CTNNA3: variants seen among roughly 807,000 people sequenced by gnomAD.
CTNNA3 encodes the protein catenin alpha 3.
Under a neutral mutation model 95.7 loss-of-function variants are expected in CTNNA3, and 76 were observed. The observed-to-expected ratio is 0.79, with a 90% CI of 0.66 to 0.96. CTNNA3 has a LOEUF of 0.96. Among genes scored for constraint, CTNNA3 ranks in the 40% least tolerant of loss-of-function variants. The pLI, the probability that CTNNA3 is intolerant of heterozygous loss-of-function variation, is 0.00. For missense variants in CTNNA3, 1,191 were observed against 1,089.8 expected (o/e 1.09, Z -1.31); for synonymous variants, 431 against 374.4 (o/e 1.15, Z -1.74).
Position 66,552,792 on chromosome 10 carries a change from C to T in CTNNA3, c.1375-32019G>A, listed in dbSNP as rs77198025. Among the ~76,000 whole-genome samples, 1,510 of 151,856 alleles carry T rather than the reference C, an allele frequency of 9.9e-3. 23 individuals are homozygous for T. The highest frequency in any genetic ancestry group is 0.035 in the African/African-American group (1,455 of 41,380). On this transcript the variant is annotated intron_variant, in intron 10 of 17. Coordinates refer to ENST00000433211, the MANE Select transcript of CTNNA3 (RefSeq NM_013266.4). ...ATCTTTATGAAGTGACTATTTCTAG[C>T]CTCATTATTTTTTTCCTTGAAGTCT... is the stretch of plus-strand genomic sequence containing the variant.
chr10:65,985,019 T>C (rs2078398973), intron 16 of CTNNA3, among the ~76,000 whole-genome samples: 2 of 145,296 alleles, frequency 1.4e-5, no homozygotes, highest in South Asian at 4.1e-4. Context: ...TTTATAATAA[T>C]TAAAGTAACA....
chr10:67,082,676 G>A (rs188195507), intron 7 of CTNNA3, among the ~76,000 whole-genome samples: 33 of 152,242 alleles, frequency 2.2e-4, no homozygotes, highest in African/African-American at 7.9e-4. Flanking sequence ...TTATTTCCAA[G>A]AAGGGCCCTT....
intron 7 of CTNNA3, among the ~76,000 whole-genome samples, chr10:66,915,757 T>C (rs1316350258): frequency 6.7e-6 from 1 of 150,240 alleles, no homozygotes; most frequent in East Asian, 1.9e-4. Context: ...TATACATTTT[T>C]TTTTTTTTTT....
intron 4 of CTNNA3, among the ~76,000 whole-genome samples, chr10:67,525,574 A>G (rs1290623427): frequency 6.6e-6 from 1 of 152,216 alleles, no homozygotes; most frequent in Admixed American, 6.5e-5. Context: ...GTTCTATACA[A>G]ATTATGCATC....
At chr10:66,093,433 A>G (rs2133701680) in intron 14 of CTNNA3, among the ~76,000 whole-genome samples, 1 of 152,190 alleles carries the variant, frequency 6.6e-6, no homozygotes, top group African/African-American at 2.4e-5. Context: ...AAGCTTTATG[A>G]GAATAAAGGG....
chr10:66,707,582 T>A (rs530778264), intron 9 of CTNNA3, among the ~76,000 whole-genome samples: 272 of 152,182 alleles, frequency 1.8e-3, no homozygotes, highest in African/African-American at 6.3e-3. Flanking sequence ...TTCTAACATG[T>A]TGGGAGTGCC....
At chr10:67,333,484 T>G (rs1841876061) in intron 5 of CTNNA3, among the ~76,000 whole-genome samples, 1 of 152,206 alleles carries the variant, frequency 6.6e-6, no homozygotes, top group African/African-American at 2.4e-5. Flanking sequence ...GGGCTGGTTT[T>G]ATGCTGGGTT....
chr10:66,455,646 G>T (rs2093490606), intron 11 of CTNNA3, among the ~76,000 whole-genome samples: 1 of 152,142 alleles, frequency 6.6e-6, no homozygotes, highest in African/African-American at 2.4e-5. Context: ...GTAATTAAAA[G>T]TGGGTATAAA....
At chr10:67,710,785 T>C (rs941539508) in intron 1 of CTNNA3, among the ~76,000 whole-genome samples, 4 of 152,170 alleles carry the variant, frequency 2.6e-5, no homozygotes, top group Non-Finnish European at 1.5e-5. Context: ...AAATAATCTG[T>C]GTCCTGACTG....
At chr10:67,147,670 C>T (rs1055955681) in intron 7 of CTNNA3, among the ~76,000 whole-genome samples, 3 of 152,124 alleles carry the variant, frequency 2.0e-5, no homozygotes, top group Non-Finnish European at 4.4e-5. Context: ...CAAAATAGTA[C>T]ATTTTACACT....
intron 15 of CTNNA3, among the ~76,000 whole-genome samples, chr10:66,040,450 A>G (rs766432464): frequency 2.0e-5 from 3 of 151,968 alleles, no homozygotes; most frequent in Non-Finnish European, 4.4e-5. Context: ...AACACTATTC[A>G]CAATAGCAAA....
chr10:66,540,041 T>G (rs576036597), intron 10 of CTNNA3, among the ~76,000 whole-genome samples: 1 of 152,240 alleles, frequency 6.6e-6, no homozygotes, highest in Admixed American at 6.5e-5. Context: ...GACCTTCTTT[T>G]GTTTGTTATC....
intron 3 of CTNNA3, among the ~76,000 whole-genome samples, chr10:67,552,322 T>C (rs1239496073): frequency 2.0e-5 from 3 of 152,204 alleles, no homozygotes; most frequent in African/African-American, 7.2e-5. Context: ...TTGAGCCAAC[T>C]TGGAATAATG....
chr10:67,285,640 T>C (rs1352685394), intron 5 of CTNNA3, among the ~76,000 whole-genome samples: 1 of 152,180 alleles, frequency 6.6e-6, no homozygotes, highest in Non-Finnish European at 1.5e-5. Context: ...AACAGGAAAG[T>C]ACATAGAAAG....
intron 11 of CTNNA3, among the ~76,000 whole-genome samples, chr10:66,418,289 TAG>T (rs1252422229): frequency 6.6e-6 from 1 of 151,598 alleles, no homozygotes; most frequent in Non-Finnish European, 1.5e-5. Flanking sequence ...GATACATTGC[TAG>T]AAACATACAT....
chr10:66,619,144 T>A (rs1368993243), intron 10 of CTNNA3, among the ~76,000 whole-genome samples: 2 of 151,472 alleles, frequency 1.3e-5, no homozygotes, highest in Non-Finnish European at 2.9e-5. Context: ...ATTGTGGAAG[T>A]CAGTGTGGTG....
chr10:67,534,717 C>A (rs895441981), intron 4 of CTNNA3, among the ~76,000 whole-genome samples: 1 of 152,020 alleles, frequency 6.6e-6, no homozygotes, highest in Admixed American at 6.6e-5. Context: ...ACTCCAGATT[C>A]TGGGTGAATA....
intron 1 of CTNNA3, among the ~76,000 whole-genome samples, chr10:67,685,256 G>C (rs1053439121): frequency 2.6e-5 from 4 of 152,136 alleles, no homozygotes; most frequent in Non-Finnish European, 5.9e-5. Context: ...ATAAACCCTC[G>C]TTCAGTCCAT....
At chr10:67,166,718 T>C (rs1011840579) in intron 7 of CTNNA3, among the ~76,000 whole-genome samples, 24 of 152,246 alleles carry the variant, frequency 1.6e-4, no homozygotes, top group Non-Finnish European at 3.2e-4. Flanking sequence ...TCCTTTATGT[T>C]CTTCTCAAAG....
Sources: gnomAD v4.1 joint callset for allele counts (sites outside exome capture counted in the v4.1 genomes callset) on GRCh38, gnomAD v4.1.1 for gene constraint, MANE v1.5 for transcripts, NCBI Gene and HGNC (gene_info 2026-07-23, HGNC 2026-07-21) for gene names.